OSBP: variants seen among roughly 807,000 people sequenced by gnomAD.
OSBP encodes oxysterol binding protein, also known as oxysterol-binding protein 1.
OSBP carries 32 observed loss-of-function variants against 96.6 expected under a neutral mutation model. The observed-to-expected ratio is 0.33, with a 90% CI of 0.25 to 0.45. The LOEUF is 0.45. Among genes scored for constraint, OSBP ranks in the 20% least tolerant of loss-of-function variants. OSBP has a pLI of 1.00. For missense variants in OSBP, 653 were observed against 1,029.7 expected (o/e 0.63, Z 5.01); for synonymous variants, 369 against 389.6 (o/e 0.95, Z 0.62).
chr11:59,615,205 A>T (rs1367822201), intron 1 of OSBP, 98 bp downstream of exon 1: 1 of 1,034,878 alleles, frequency 9.7e-7, no homozygotes, highest in Non-Finnish European at 1.4e-6. Context: ...GCCTGGGGCA[A>T]CCCTGGCTGC....
intron 3 of OSBP, among the ~76,000 whole-genome samples, chr11:59,602,891 A>G (rs1048015293): frequency 2.0e-5 from 3 of 152,212 alleles, no homozygotes; most frequent in Non-Finnish European, 2.9e-5. Flanking sequence ...AAGTGTTGGG[A>G]TTACAGGCAT....
At chr11:59,588,544 A>G (rs1399975701) in intron 9 of OSBP, among the ~76,000 whole-genome samples, 1 of 151,896 alleles carries the variant, frequency 6.6e-6, no homozygotes, top group African/African-American at 2.4e-5. Flanking sequence ...TCAAAAAAAA[A>G]AAAAAAAAAT....
intron 3 of OSBP, 83 bp downstream of exon 3, chr11:59,608,401 T>C: frequency 6.5e-7 from 1 of 1,546,512 alleles, no homozygotes; most frequent in Non-Finnish European, 8.9e-7. Flanking sequence ...GCTTTATCAA[T>C]TACAATTTTT....
At chr11:59,581,825 T>C (rs538223341) in intron 9 of OSBP, among the ~76,000 whole-genome samples, 2 of 152,370 alleles carry the variant, frequency 1.3e-5, no homozygotes, top group South Asian at 2.1e-4. Context: ...CTGTGTTCTA[T>C]AATACAATTG....
intron 7 of OSBP, among the ~76,000 whole-genome samples, chr11:59,599,555 G>A (rs116489040): frequency 0.038 from 5,713 of 152,232 alleles, 147 homozygotes; most frequent in Non-Finnish European, 0.043. Context: ...CTTGTGAAAT[G>A]AACAAGCAGT....
At chr11:59,595,734 G>GT (rs1860641680) in intron 7 of OSBP, among the ~76,000 whole-genome samples, 2 of 151,778 alleles carry the variant, frequency 1.3e-5, no homozygotes, top group African/African-American at 2.4e-5. Flanking sequence ...GTGCTCAGCA[G>GT]TTTGAGACCA....
chr11:59,601,597 T>C, intron 4 of OSBP, 43 bp downstream of exon 4: 3 of 1,576,842 alleles, frequency 1.9e-6, no homozygotes, highest in Non-Finnish European at 2.6e-6. Flanking sequence ...GAAAACCATC[T>C]GGCTCACCTT....
At chr11:59,586,559 T>C (rs528029871) in intron 9 of OSBP, among the ~76,000 whole-genome samples, 2 of 152,314 alleles carry the variant, frequency 1.3e-5, no homozygotes, top group African/African-American at 2.4e-5. Flanking sequence ...AAACCTATCC[T>C]AAAATTCATA....
chr11:59,581,324 C>T (rs1414302571), intron 10 of OSBP, 127 bp downstream of exon 10: 2 of 475,660 alleles, frequency 4.2e-6, no homozygotes. Context: ...GAGAGAAATT[C>T]CTTAGGAGAA....
chr11:59,591,588 AT>A (rs1255980688), intron 9 of OSBP, among the ~76,000 whole-genome samples: 1 of 150,268 alleles, frequency 6.7e-6, no homozygotes, highest in African/African-American at 2.4e-5. Flanking sequence ...TTTTTGTATC[AT>A]TATTTTTTAT....
chr11:59,580,693 A>AT (rs1419538540), intron 10 of OSBP, among the ~76,000 whole-genome samples: 3 of 150,280 alleles, frequency 2.0e-5, no homozygotes, highest in African/African-American at 7.4e-5. Flanking sequence ...TTTTTTTTAA[A>AT]TTTTTTGTAG....
chr11:59,612,008 C>A (rs932295117), intron 1 of OSBP, among the ~76,000 whole-genome samples: 1 of 152,230 alleles, frequency 6.6e-6, no homozygotes, highest in Non-Finnish European at 1.5e-5. Context: ...ACACAGAGGT[C>A]AAAGTCCTTT....
At position 59,610,462 on chromosome 11, in the gene OSBP, T is replaced by C; in HGVS notation, c.490A>G (p.Ser164Gly). Reference sequence around the variant, plus strand: ...CAGCGCTGCCGCTCAACTTCTGAACTAGCTTTCAGATGGTAGGTCTGAGCA... The same window carrying C: ...CAGCGCTGCCGCTCAACTTCTGAACCAGCTTTCAGATGGTAGGTCTGAGCA... ...GGAQTYHLKA[S>G]SEVERQRWVT... The change falls in exon 2 of 14, where the codon AGT (serine) becomes GGT (glycine). Residue 164 changes from serine to glycine, a missense_variant. By Grantham distance (56) the Ser-to-Gly change is moderately conservative. Around this residue, in one of 6 missense-constraint regions of OSBP, gnomAD observed 308 missense variants for 573.1 expected, o/e 0.54. Coordinates refer to ENST00000263847, the MANE Select transcript of OSBP (RefSeq NM_002556.3). 1 of 1,614,176 alleles carries C rather than the reference T, an allele frequency of 6.2e-7. No homozygotes were observed. Among genetic ancestry groups the C allele is most frequent in the Non-Finnish European group, 8.5e-7 (1 of 1,179,994 alleles).
At chr11:59,602,160 A>G (rs1007904782) in intron 3 of OSBP, among the ~76,000 whole-genome samples, 6 of 152,222 alleles carry the variant, frequency 3.9e-5, no homozygotes, top group Non-Finnish European at 8.8e-5. Flanking sequence ...AACTGCACCA[A>G]AAGTAGAGAA....
intron 1 of OSBP, among the ~76,000 whole-genome samples, chr11:59,614,599 C>T (rs1860897611): frequency 6.6e-6 from 1 of 152,128 alleles, no homozygotes; most frequent in Admixed American, 6.5e-5. Flanking sequence ...TCCTAACTAA[C>T]CAAAAAATCA....
At chr11:59,615,069 A>T (rs951819905) in intron 1 of OSBP, among the ~76,000 whole-genome samples, 25 of 152,228 alleles carry the variant, frequency 1.6e-4, no homozygotes, top group African/African-American at 5.8e-4. Context: ...CCGGGAGCGA[A>T]GGGAAGATAA....
At chr11:59,606,201 A>G (rs1860778029) in intron 3 of OSBP, among the ~76,000 whole-genome samples, 1 of 152,200 alleles carries the variant, frequency 6.6e-6, no homozygotes, top group African/African-American at 2.4e-5. Context: ...GCCCTCAGCA[A>G]TATCCACTAG....
intron 3 of OSBP, among the ~76,000 whole-genome samples, chr11:59,608,125 A>AC (rs1200599279): frequency 5.9e-4 from 89 of 151,108 alleles, no homozygotes; most frequent in Middle Eastern, 3.4e-3. Context: ...AAAAATAAAT[A>AC]AATACATACA....
At chr11:59,579,928 G>C (rs539331611) in intron 11 of OSBP, among the ~76,000 whole-genome samples, 1 of 151,630 alleles carries the variant, frequency 6.6e-6, no homozygotes, top group East Asian at 2.0e-4. Context: ...GCCAGGCTGG[G>C]CTCGAACTCC....
Sources: allele counts gnomAD v4.1 joint callset (sites outside exome capture counted in the v4.1 genomes callset), GRCh38; gene constraint gnomAD v4.1.1; regional missense constraint gnomAD v4.1.1; transcripts MANE v1.5; gene names NCBI Gene and HGNC (gene_info 2026-07-23, HGNC 2026-07-21).